Variants in IL17RD observed in about 807,000 individuals in gnomAD.
IL17RD encodes the protein interleukin 17 receptor D.
Under a neutral mutation model 80.5 loss-of-function variants are expected in IL17RD, and 52 were observed. That is an observed-to-expected ratio of 0.65 (90% CI 0.52 to 0.81). The LOEUF (loss-of-function observed/expected upper bound fraction) is 0.81, where lower values mean the gene tolerates loss of function less well. Ranked by LOEUF, IL17RD falls within the 40% of genes least tolerant of loss-of-function variation. The pLI is 0.00. For missense variants in IL17RD, 1,024 were observed against 955.1 expected, an observed-to-expected ratio of 1.07 and a Z score of -0.95; for synonymous variants, 416 against 391.8, an observed-to-expected ratio of 1.06 and a Z score of -0.73.
chr3:57,149,328 C>A (rs1205030625), intron 1 of IL17RD, among the ~76,000 whole-genome samples: 1 of 151,458 alleles, frequency 6.6e-6, no homozygotes. Flanking sequence ...TTCCTTCACT[C>A]GGCAGAATTG....
Position 57,091,424 on chromosome 3 carries a change from AGAG to A in IL17RD, c.*4966_*4968del, listed in dbSNP as rs922642023. 2 of 152,608 alleles carry A rather than the reference AGAG, an allele frequency of 1.3e-5. No individual in the cohort carries two copies. Among genetic ancestry groups the A allele is most frequent in the African/African-American group, 4.8e-5 (2 of 41,446 alleles). 9.5% of individuals were successfully genotyped at this position (152,608 alleles called of 1,614,324 possible). ...AGTGCCATTATATTTTTAAGTGGTAAGAGGAGCTGGGTGTGCAAGAATTTCCCC... is the reference window on the plus strand; with the variant it reads ...AGTGCCATTATATTTTTAAGTGGTAAGAGCTGGGTGTGCAAGAATTTCCCC... On this transcript the variant is annotated 3_prime_UTR_variant, in exon 13 of 13. Transcript: ENST00000296318.
intron 1 of IL17RD, among the ~76,000 whole-genome samples, chr3:57,128,172 G>A (rs1456239649): frequency 6.6e-6 from 1 of 152,184 alleles, no homozygotes; most frequent in East Asian, 1.9e-4. Context: ...TCTTGGATGC[G>A]TAGCAAGGAA....
chr3:57,105,552 A>AAAAAAAAAAAAAATAT lies in IL17RD; in HGVS notation c.747+304_747+305insATATTTTTTTTTTTTT. On this transcript the variant is annotated intron_variant, in intron 7 of 12. Coordinates refer to ENST00000296318, the MANE Select transcript of IL17RD (RefSeq NM_017563.5). The stretch of plus-strand genomic sequence containing the variant: ...ACTCCATCTCAAAAAAAAAAAAAAA[A>AAAAAAAAAAAAAATAT]ATATATATATATATATATTTGTTCA... Among the ~76,000 whole-genome samples the AAAAAAAAAAAAAATAT allele has an allele frequency of 4.3e-3, 272 of 63,512 alleles. 13 individuals are homozygous for AAAAAAAAAAAAAATAT. Among genetic ancestry groups the AAAAAAAAAAAAAATAT allele is most frequent in the African/African-American group, 0.011 (117 of 10,714 alleles). The allele number at this position is 63,512 out of a possible 152,430, so 41.7% of individuals were successfully genotyped here.
chr3:57,133,746 G>A (rs567022299), intron 1 of IL17RD, among the ~76,000 whole-genome samples: 3 of 152,300 alleles, frequency 2.0e-5, no homozygotes, highest in East Asian at 3.9e-4. Flanking sequence ...TGAGGCAGAC[G>A]CAGCAGATGG....
chr3:57,157,481 G>C (rs942504789), intron 1 of IL17RD, among the ~76,000 whole-genome samples: 1 of 152,168 alleles, frequency 6.6e-6, no homozygotes, highest in African/African-American at 2.4e-5. Flanking sequence ...CTCAAAAAAA[G>C]GGTCTCCTGC....
intron 1 of IL17RD, among the ~76,000 whole-genome samples, chr3:57,148,514 C>A (rs1707984383): frequency 6.6e-6 from 1 of 152,142 alleles, no homozygotes; most frequent in African/African-American, 2.4e-5. Context: ...CATATGTTTA[C>A]AAATTGGAAC....
At position 57,097,731 on chromosome 3, in the gene IL17RD, T is replaced by C. The variant is rs140930246; in HGVS notation, c.1972A>G (p.Met658Val). The C allele has an allele frequency of 3.2e-4, 505 of 1,602,970 alleles. 1 individual carries two copies. The East Asian group carries it at 0.01, about 32-fold the overall frequency. ...TCATAGATGCCTGAGTCCCGCGGCA[T>C]GTCCGAGGGGCTGCCGGCTTTCACC... Reference protein sequence around the residue: ...HTVKAGSPSDMPRDSGIYDSS... With the variant: ...HTVKAGSPSDVPRDSGIYDSS... Residue 658 changes from methionine to valine, a missense_variant, in exon 12 of 13, where the codon ATG (methionine) becomes GTG (valine). Coordinates refer to ENST00000296318, the MANE Select transcript of IL17RD (RefSeq NM_017563.5).
rs1706947591 is a variant in IL17RD at position 57,105,782 on chromosome 3, A to G, written c.747+75T>C. ...CCAACAAAGCCTAATGCTCACATTGAGCAACCCAAATTCCAGTGGCCTGGG... is the reference window on the plus strand; with the variant it reads ...CCAACAAAGCCTAATGCTCACATTGGGCAACCCAAATTCCAGTGGCCTGGG... On this transcript the variant is annotated intron_variant, in intron 7 of 12. Coordinates refer to ENST00000296318, the MANE Select transcript of IL17RD (RefSeq NM_017563.5). 5.2e-6 allele frequency: 7 copies of G among 1,337,274 alleles called. No individual in the cohort carries two copies. In the East Asian group the frequency reaches 1.6e-4, roughly 31 times the overall value. 82.8% of individuals were successfully genotyped at this position (1,337,274 alleles called of 1,614,324 possible).
At chr3:57,126,975 C>G (rs190591356) in intron 1 of IL17RD, among the ~76,000 whole-genome samples, 60 of 151,574 alleles carry the variant, frequency 4.0e-4, no homozygotes, top group African/African-American at 1.4e-3. Context: ...CAGGTGCCCA[C>G]CACCATGCCT....
In IL17RD at chr3:57,127,273, A is replaced by AATATATATAAAAAATATAT. The variant is rs1559476861; in HGVS notation, c.127-6961_127-6960insATATATTTTTTATATATAT. Among the ~76,000 whole-genome samples the AATATATATAAAAAATATAT allele has an allele frequency of 1.1e-4, 9 of 81,378 alleles. 2 individuals are homozygous for AATATATATAAAAAATATAT. The highest frequency in any genetic ancestry group is 1.9e-4 in the Non-Finnish European group (9 of 47,000). The allele number at this position is 81,378 out of a possible 152,430, so 53.4% of individuals were successfully genotyped here. On this transcript the variant is annotated intron_variant, in intron 1 of 12. Coordinates refer to ENST00000296318, the MANE Select transcript of IL17RD (RefSeq NM_017563.5). The stretch of plus-strand genomic sequence containing the variant: ...ATATAAATATATATAAATATATATA[A>AATATATATAAAAAATATAT]AAATATATATAAATATATATAAATA...
upstream of IL17RD, chr3:57,169,305 T>C (rs1010073947): frequency 3.9e-6 from 2 of 508,810 alleles, no homozygotes; most frequent in Non-Finnish European, 7.9e-6. Context: ...GGCTGTCATC[T>C]GATTCACCTC....
At chr3:57,105,552 A>AAAAAAAAAAAATATATATATAT in intron 7 of IL17RD, among the ~76,000 whole-genome samples, 5 of 63,590 alleles carry the variant, frequency 7.9e-5, no homozygotes, top group African/African-American at 3.7e-4. Flanking sequence ...AAAAAAAAAA[A>AAAAAAAAAAAATATATATATAT]ATATATATAT....
chr3:57,102,460 A>T lies in IL17RD; in HGVS notation c.979+19T>A. ...GGCCTGCCCCTTGTTGTGGGGAGAC[A>T]CAGCACACAAAGAGATACCTTGTTG... On this transcript the variant is annotated intron_variant, in intron 10 of 12. Coordinates refer to ENST00000296318, the MANE Select transcript of IL17RD (RefSeq NM_017563.5). 7.1e-7 allele frequency: 1 copy of T among 1,416,638 alleles called. No individual in the cohort carries two copies. Among genetic ancestry groups the T allele is most frequent in the African/African-American group, 1.4e-5 (1 of 70,948 alleles). The allele number at this position is 1,416,638 out of a possible 1,614,324, so 87.8% of individuals were successfully genotyped here.
chr3:57,106,245 G>T (rs958357834), intron 5 of IL17RD, 91 bp from the exon 6 acceptor site: 1 of 889,384 alleles, frequency 1.1e-6, no homozygotes, highest in South Asian at 1.5e-5. Context: ...AAGATACTGT[G>T]CCGGGTGATG....
chr3:57,164,838 G>C lies in IL17RD; in HGVS notation c.126+323C>G, dbSNP rs1404317522. The C allele has an allele frequency of 2.9e-6, 3 of 1,041,510 alleles. No homozygotes were observed. The East Asian group carries it at 2.2e-4, about 78-fold the overall frequency. The allele number at this position is 1,041,510 out of a possible 1,614,324, so 64.5% of individuals were successfully genotyped here. On this transcript the variant is annotated intron_variant, in intron 1 of 12. Transcript: ENST00000296318. Reference sequence around the variant, plus strand: ...GCAGCCCTGGGACGAAGGAGGTCCCGGGCCAAGAACAAAGGGTGGGGCGCC... The same window carrying C: ...GCAGCCCTGGGACGAAGGAGGTCCCCGGCCAAGAACAAAGGGTGGGGCGCC...
intron 1 of IL17RD, 186 bp downstream of exon 1, chr3:57,164,975 A>T: frequency 1.5e-6 from 2 of 1,318,270 alleles, no homozygotes; most frequent in Non-Finnish European, 1.9e-6. Context: ...CATCTCGGCC[A>T]GGGCCGGAGG....
At chr3:57,098,796 G>A (rs1043610499) in intron 11 of IL17RD, among the ~76,000 whole-genome samples, 1 of 152,220 alleles carries the variant, frequency 6.6e-6, no homozygotes, top group South Asian at 2.1e-4. Context: ...TACCACTCCT[G>A]CCCTACAAGT....
At chr3:57,134,100 G>T in intron 1 of IL17RD, 2 of 510,376 alleles carry the variant, frequency 3.9e-6, no homozygotes, top group East Asian at 3.6e-5. Context: ...ACTAAGAATC[G>T]GGGAGCTCAT....
intron 1 of IL17RD, among the ~76,000 whole-genome samples, chr3:57,126,284 T>C (rs12495640): frequency 0.45 from 67,826 of 152,094 alleles, 15,478 homozygotes; most frequent in Admixed American, 0.52. Context: ...GCCCCGGCTG[T>C]CTGGAGTGCT....
Sources: allele counts gnomAD v4.1 joint callset (sites outside exome capture counted in the v4.1 genomes callset), GRCh38; gene constraint gnomAD v4.1.1; transcripts MANE v1.5; gene names NCBI Gene and HGNC (gene_info 2026-07-23, HGNC 2026-07-21).